The following LINGO2 variants were observed in gnomAD, a reference collection of about 807,000 sequenced individuals.
LINGO2 encodes the protein leucine rich repeat and Ig domain containing 2.
In LINGO2, 14 loss-of-function variants were observed where a neutral mutation model predicts 30.6. That is an observed-to-expected ratio of 0.46 (90% CI 0.30 to 0.72). LINGO2 has a LOEUF of 0.72. LINGO2 is among the 30% of genes least tolerant of loss of function. The probability of loss-of-function intolerance (pLI) is 0.07; values close to 1 mark genes in which losing one functional copy is unlikely to be tolerated. For missense variants in LINGO2, 729 were observed against 751.7 expected, an observed-to-expected ratio of 0.97 and a Z score of 0.35; for synonymous variants, 317 against 288.5, an observed-to-expected ratio of 1.10 and a Z score of -1.00.
chr9:28,409,828 C>T (rs1024951439), intron 2 of LINGO2, among the ~76,000 whole-genome samples: 1 of 151,236 alleles, frequency 6.6e-6, no homozygotes, highest in Non-Finnish European at 1.5e-5. Flanking sequence ...CCTCTTTAAA[C>T]TAATCAAACT....
At chr9:28,259,030 A>G (rs898601116) in intron 4 of LINGO2, among the ~76,000 whole-genome samples, 36 of 151,926 alleles carry the variant, frequency 2.4e-4, no homozygotes, top group African/African-American at 8.4e-4. Context: ...TAATTCTCTA[A>G]TTTAAAAATT....
intron 4 of LINGO2, among the ~76,000 whole-genome samples, chr9:28,266,921 C>T (rs746642238): frequency 1.4e-4 from 22 of 152,096 alleles, no homozygotes; most frequent in Non-Finnish European, 2.8e-4. Flanking sequence ...GAACATAATA[C>T]ACTAGCTGTG....
At chr9:29,188,042 A>G in the LINGO2 span, among the ~76,000 whole-genome samples, 9 of 46,990 alleles carry the variant, frequency 1.9e-4, no homozygotes, top group Non-Finnish European at 2.9e-4. Flanking sequence ...TTTTTTATTG[A>G]TCATTCTTGG....
chr9:28,267,645 A>G (rs1034065235), intron 4 of LINGO2, among the ~76,000 whole-genome samples: 5 of 152,042 alleles, frequency 3.3e-5, no homozygotes, highest in African/African-American at 1.2e-4. Context: ...AATCCCACCA[A>G]TCCTGAGCCC....
At chr9:29,010,183 G>A in the LINGO2 span, among the ~76,000 whole-genome samples, 5 of 152,136 alleles carry the variant, frequency 3.3e-5, no homozygotes, top group African/African-American at 1.2e-4. Context: ...AGACAAACGG[G>A]ATCTAATTAA....
At chr9:29,178,064 T>C in the LINGO2 span, among the ~76,000 whole-genome samples, 1 of 152,016 alleles carries the variant, frequency 6.6e-6, no homozygotes, top group Non-Finnish European at 1.5e-5. Flanking sequence ...TATTTATTTA[T>C]TTATTTTTGA....
At chr9:28,003,120 A>G (rs1208291732) in intron 5 of LINGO2, among the ~76,000 whole-genome samples, 1 of 152,176 alleles carries the variant, frequency 6.6e-6, no homozygotes, top group Non-Finnish European at 1.5e-5. Context: ...ATGACAATAA[A>G]TGATGTGGTA....
chr9:28,234,455 G>A (rs1356804804), intron 4 of LINGO2, among the ~76,000 whole-genome samples: 1 of 152,226 alleles, frequency 6.6e-6, no homozygotes, highest in Non-Finnish European at 1.5e-5. Flanking sequence ...GTGTGTCTGA[G>A]ACAGTGTTGC....
chr9:28,829,719 C>T, the LINGO2 span, among the ~76,000 whole-genome samples: 29,371 of 152,002 alleles, frequency 0.19, 3,029 homozygotes, highest in Non-Finnish European at 0.23. Flanking sequence ...AAAACTCCGT[C>T]TCTAATGAAG....
At position 28,136,234 on chromosome 9, in the gene LINGO2, G is replaced by A. The variant is rs143348222; in HGVS notation, c.-86-123829C>T. On this transcript the variant is annotated intron_variant, in intron 4 of 5. Coordinates refer to ENST00000379992, the Ensembl canonical transcript of LINGO2. ...AATGGTGGTAGTGGTGGTGGTGTAC[G>A]ATACTACTAGTTGATAATCAAGGCT... 5.9e-5 allele frequency among the ~76,000 whole-genome samples: 9 copies of A among 152,288 alleles called. No homozygotes were observed. In the South Asian group the frequency reaches 1.9e-3, roughly 32 times the overall value.
chr9:29,145,510 G>C, the LINGO2 span, among the ~76,000 whole-genome samples: 1 of 150,462 alleles, frequency 6.6e-6, no homozygotes, highest in Non-Finnish European at 1.5e-5. Flanking sequence ...ACCATGATTT[G>C]TACTCCATTT....
intron 4 of LINGO2, chr9:28,149,009 C>G (rs1196597775): frequency 6.5e-7 from 1 of 1,534,246 alleles, no homozygotes; most frequent in African/African-American, 1.4e-5. Flanking sequence ...TCCCCTGCAA[C>G]TGAGGTGGGA....
intron 1 of LINGO2, among the ~76,000 whole-genome samples, chr9:28,616,487 A>G (rs1325244670): frequency 1.3e-5 from 2 of 152,194 alleles, no homozygotes. Flanking sequence ...AAGGCCCTTA[A>G]GTAATCAGCC....
chr9:29,094,461 C>G, the LINGO2 span, among the ~76,000 whole-genome samples: 5 of 138,970 alleles, frequency 3.6e-5, 2 homozygotes, highest in African/African-American at 1.3e-4. Context: ...ATTCATCTAA[C>G]TCATGTCTTT....
intron 4 of LINGO2, among the ~76,000 whole-genome samples, chr9:28,151,979 C>T (rs1371771485): frequency 6.6e-6 from 1 of 152,022 alleles, no homozygotes; most frequent in Non-Finnish European, 1.5e-5. Flanking sequence ...TATTTTTAGA[C>T]TGATTTAGAA....
At chr9:29,196,024 A>C in the LINGO2 span, among the ~76,000 whole-genome samples, 1 of 152,108 alleles carries the variant, frequency 6.6e-6, no homozygotes, top group Non-Finnish European at 1.5e-5. Flanking sequence ...TTAGATGAAA[A>C]TATTCAGCTA....
the LINGO2 span, among the ~76,000 whole-genome samples, chr9:28,776,695 C>T: frequency 6.6e-6 from 1 of 152,144 alleles, no homozygotes; most frequent in Admixed American, 6.6e-5. Context: ...TAAACAGACA[C>T]TGTCTTTCCT....
intron 3 of LINGO2, among the ~76,000 whole-genome samples, chr9:28,368,857 A>G (rs1820789626): frequency 6.6e-6 from 1 of 151,816 alleles, no homozygotes. Flanking sequence ...CGGCCTCCCA[A>G]AGTGCTGGGA....
At chr9:28,637,093 T>G (rs557596409) in intron 1 of LINGO2, among the ~76,000 whole-genome samples, 21 of 152,230 alleles carry the variant, frequency 1.4e-4, no homozygotes, top group Admixed American at 3.3e-4. Context: ...TTTCCCCATT[T>G]CTTGTTTTTG....
Sources: allele counts gnomAD v4.1 joint callset (sites outside exome capture counted in the v4.1 genomes callset), GRCh38; gene constraint gnomAD v4.1.1; transcripts MANE v1.5; gene names NCBI Gene and HGNC (gene_info 2026-07-23, HGNC 2026-07-21).